The following MED9 variants were observed in gnomAD, a reference collection of about 807,000 sequenced individuals.
MED9 encodes the protein mediator of RNA polymerase II transcription subunit 9.
Under a neutral mutation model 13.2 loss-of-function variants are expected in MED9, and 8 were observed. The observed-to-expected ratio is 0.61, with a 90% CI of 0.36 to 1.10. The LOEUF is 1.10. Ranked by LOEUF, MED9 falls within the 50% of genes least tolerant of loss-of-function variation. The pLI, the probability that MED9 is intolerant of heterozygous loss-of-function variation, is 0.02. For missense variants in MED9, 180 were observed against 193.4 expected (o/e 0.93, Z 0.41); for synonymous variants, 87 against 82.8 (o/e 1.05, Z -0.28).
intron 1 of MED9, among the ~76,000 whole-genome samples, chr17:17,490,372 G>A (rs1225342558): frequency 6.6e-6 from 1 of 152,222 alleles, no homozygotes; most frequent in African/African-American, 2.4e-5. Flanking sequence ...GACCCGGGAG[G>A]TGGAGGTTGC....
At chr17:17,481,929 TC>T (rs1389056658) in intron 1 of MED9, among the ~76,000 whole-genome samples, 1 of 152,188 alleles carries the variant, frequency 6.6e-6, no homozygotes, top group Non-Finnish European at 1.5e-5. Context: ...CTAGACTGCT[TC>T]AGTTAACCTA....
chr17:17,482,975 T>A (rs1047869606), intron 1 of MED9, among the ~76,000 whole-genome samples: 4 of 152,238 alleles, frequency 2.6e-5, no homozygotes, highest in African/African-American at 9.6e-5. Flanking sequence ...TCATGGTACA[T>A]TTAATTATCT....
intron 1 of MED9, chr17:17,485,893 G>T (rs1361519823): frequency 6.6e-6 from 1 of 152,274 alleles, no homozygotes; most frequent in Non-Finnish European, 1.5e-5. Context: ...GTTAGCAGAT[G>T]AAAGCAAGGG....
intron 1 of MED9, among the ~76,000 whole-genome samples, chr17:17,478,959 A>G (rs1245252656): frequency 6.6e-6 from 1 of 152,174 alleles, no homozygotes; most frequent in Non-Finnish European, 1.5e-5. Context: ...GAGCCCCTGT[A>G]ATCCTAGGGC....
In MED9 at chr17:17,491,775, G is replaced by A. The variant is rs1201558896; in HGVS notation, c.*280G>A. On this transcript the variant is annotated 3_prime_UTR_variant, in exon 2 of 2. Coordinates refer to ENST00000268711, the MANE Select transcript of MED9 (RefSeq NM_018019.3). The stretch of plus-strand genomic sequence containing the variant: ...GAATGCTCCTGGAGGCTGCAGAGGG[G>A]GTGGAGGACTCTCCCCTGCCTCTGG... The A allele has an allele frequency of 2.3e-6, 1 of 430,346 alleles. No individual in the cohort carries two copies. Among genetic ancestry groups the A allele is most frequent in the African/African-American group, 2.0e-5 (1 of 49,700 alleles). 26.7% of individuals were successfully genotyped at this position (430,346 alleles called of 1,614,324 possible). A position where few individuals can be genotyped will look rare whatever the true frequency, so the allele number is the denominator to read the frequency against.
At chr17:17,484,743 T>C (rs1367441007) in intron 1 of MED9, among the ~76,000 whole-genome samples, 1 of 152,220 alleles carries the variant, frequency 6.6e-6, no homozygotes, top group Non-Finnish European at 1.5e-5. Context: ...TGCCATGTCA[T>C]TTCCATCCAC....
In MED9 at chr17:17,491,388, G is replaced by A. The variant is rs1342679748; in HGVS notation, c.334G>A (p.Glu112Lys). The change falls in exon 2 of 2, where the codon GAA becomes AAA. Residue 112 changes from glutamate to lysine, a missense_variant. Physicochemically the swap from Glu to Lys is moderately conservative, Grantham distance 56. Transcript: ENST00000268711. ...CATGCCCGGCATCCACCTGAGCCCC[G>A]AACAGCAGCAGCAGCAGCTGCAGAG... ...STMPGIHLSPEQQQQQLQSLR... is the reference protein window; with the variant it reads ...STMPGIHLSPKQQQQQLQSLR... 1.6e-5 allele frequency: 26 copies of A among 1,614,018 alleles called. No homozygotes were observed. The highest frequency in any genetic ancestry group is 2.2e-5 in the Non-Finnish European group (26 of 1,180,042).
At chr17:17,479,940 T>G (rs540513707) in intron 1 of MED9, among the ~76,000 whole-genome samples, 17 of 152,284 alleles carry the variant, frequency 1.1e-4, no homozygotes, top group African/African-American at 4.1e-4. Context: ...TCAGGAACTC[T>G]AGTGCAAGGA....
chr17:17,487,688 A>G, intron 1 of MED9: 1 of 176,158 alleles, frequency 5.7e-6, no homozygotes, highest in Non-Finnish European at 1.2e-5. Context: ...GAAGTCAGTG[A>G]GACCAAGAAC....
At position 17,483,869 on chromosome 17, in the gene MED9, G is replaced by GGA. The variant is rs1194842738; in HGVS notation, c.224+6606_224+6607dup. ...GGAGAATCGCTTGAACCCGGGAGGC[G>GGA]GAGGTTGCAGTGAGCCACGATCGCA... On this transcript the variant is annotated intron_variant, in intron 1 of 1. Coordinates refer to ENST00000268711, the MANE Select transcript of MED9 (RefSeq NM_018019.3). The surrounding 1 kb of genome is among the most constrained non-coding windows in gnomAD (Gnocchi z 4.2). Among the ~76,000 whole-genome samples the GGA allele has an allele frequency of 6.6e-6, 1 of 151,454 alleles. No homozygotes were observed. The highest frequency in any genetic ancestry group is 1.5e-5 in the Non-Finnish European group (1 of 67,888).
chr17:17,481,501 T>G (rs1458591885), intron 1 of MED9, among the ~76,000 whole-genome samples: 1 of 152,248 alleles, frequency 6.6e-6, no homozygotes, highest in Admixed American at 6.5e-5. Context: ...CTGTTAATAC[T>G]TTCCTAAGTT....
rs548905720 is a variant in MED9, at chr17:17,483,852, G to A, written c.224+6587G>A. ...CTAGGGAGGCTGAGGCAGGAGAATC[G>A]CTTGAACCCGGGAGGCGGAGGTTGC... On this transcript the variant is annotated intron_variant, in intron 1 of 1. Coordinates refer to ENST00000268711, the MANE Select transcript of MED9 (RefSeq NM_018019.3). This position sits in a 1 kb window ranked among gnomAD's most constrained non-coding sequence, Gnocchi z 4.2. Among the ~76,000 whole-genome samples the A allele has an allele frequency of 4.0e-5, 6 of 151,336 alleles. No individual in the cohort carries two copies. The South Asian group carries it at 8.4e-4, about 21-fold the overall frequency.
rs759981409 is a variant in MED9, at chr17:17,477,111, C to T, written c.70C>T (p.Leu24=). ...DVLPPTSDQP[L]PDTKPLPPPQ... Reference sequence around the variant, plus strand: ...ATTGCCGCCAACGTCCGACCAGCCGCTGCCTGACACCAAGCCGCTGCCGCC... The same window carrying T: ...ATTGCCGCCAACGTCCGACCAGCCGTTGCCTGACACCAAGCCGCTGCCGCC... The change falls in exon 1 of 2, where the codon CTG becomes TTG. Residue 24 remains leucine, a synonymous_variant. Coordinates refer to ENST00000268711, the MANE Select transcript of MED9 (RefSeq NM_018019.3). 2 of 1,607,290 alleles carry T rather than the reference C, an allele frequency of 1.2e-6. No individual in the cohort carries two copies. Among genetic ancestry groups the T allele is most frequent in the South Asian group, 1.1e-5 (1 of 90,594 alleles).
intron 1 of MED9, chr17:17,486,913 C>G (rs1183677509): frequency 6.6e-6 from 1 of 151,010 alleles, no homozygotes; most frequent in Admixed American, 6.6e-5. Flanking sequence ...TGTGAGTGCA[C>G]CAATCTACAC....
At chr17:17,489,133 A>G (rs1338501665) in intron 1 of MED9, among the ~76,000 whole-genome samples, 1 of 152,126 alleles carries the variant, frequency 6.6e-6, no homozygotes, top group Non-Finnish European at 1.5e-5. Flanking sequence ...GTTCCATGCT[A>G]TTTACCTCCA....
At chr17:17,490,049 A>C (rs149785334) in intron 1 of MED9, among the ~76,000 whole-genome samples, 1 of 152,250 alleles carries the variant, frequency 6.6e-6, no homozygotes, top group Admixed American at 6.5e-5. Flanking sequence ...TTATGCCTCA[A>C]TGGCTTACTT....
In MED9 at chr17:17,492,481, A is replaced by G. The variant is rs1214794184; in HGVS notation, c.*986A>G. 1.3e-5 allele frequency: 2 copies of G among 152,090 alleles called. No individual in the cohort carries two copies. Among genetic ancestry groups the G allele is most frequent in the Non-Finnish European group, 2.9e-5 (2 of 68,042 alleles). The allele number at this position is 152,090 out of a possible 1,614,324, so 9.4% of individuals were successfully genotyped here. A position where few individuals can be genotyped will look rare whatever the true frequency, so the allele number is the denominator to read the frequency against. On this transcript the variant is annotated 3_prime_UTR_variant, in exon 2 of 2. Coordinates refer to ENST00000268711, the MANE Select transcript of MED9 (RefSeq NM_018019.3). Reference sequence around the variant, plus strand: ...GAGAGGCAACCCTGGGGGCCAGTTCAGGTGGTCCCCAACCATAAGCTAGGT... The same window carrying G: ...GAGAGGCAACCCTGGGGGCCAGTTCGGGTGGTCCCCAACCATAAGCTAGGT...
rs1905232587 is a variant in MED9, at chr17:17,491,674, G to A, written c.*179G>A. On this transcript the variant is annotated 3_prime_UTR_variant, in exon 2 of 2. Transcript: ENST00000268711. The stretch of plus-strand genomic sequence containing the variant: ...CTGTGCGGGAGCCAGCGCAGAGCTT[G>A]GCTGCGCCGGGGGTTCCTCGTGTAG... The A allele has an allele frequency of 1.6e-6, 1 of 619,824 alleles. No individual in the cohort carries two copies. Among genetic ancestry groups the A allele is most frequent in the Non-Finnish European group, 2.8e-6 (1 of 355,028 alleles). The allele number at this position is 619,824 out of a possible 1,614,324, so 38.4% of individuals were successfully genotyped here. A position where few individuals can be genotyped will look rare whatever the true frequency, so the allele number is the denominator to read the frequency against.
intron 1 of MED9, among the ~76,000 whole-genome samples, chr17:17,489,471 C>T (rs1277786372): frequency 6.6e-6 from 1 of 152,174 alleles, no homozygotes; most frequent in Non-Finnish European, 1.5e-5. Context: ...CTTTGAGACT[C>T]ATGTGAGTCG....
Sources: allele counts gnomAD v4.1 joint callset (sites outside exome capture counted in the v4.1 genomes callset), GRCh38; gene constraint gnomAD v4.1.1; non-coding constraint Gnocchi (gnomAD v3.1); transcripts MANE v1.5; gene names NCBI Gene and HGNC (gene_info 2026-07-23, HGNC 2026-07-21).